DOCK1: variants seen among roughly 807,000 people sequenced by gnomAD.
DOCK1 encodes the protein dedicator of cytokinesis protein 1.
In DOCK1, 138 loss-of-function variants were observed where a neutral mutation model predicts 262.7. That is an observed-to-expected ratio of 0.53 (90% CI 0.46 to 0.61). The LOEUF (loss-of-function observed/expected upper bound fraction) is 0.61. DOCK1 is among the 20% of genes least tolerant of loss of function. DOCK1 has a pLI of 0.00. For missense variants in DOCK1, 1,908 were observed against 2,370.7 expected, an observed-to-expected ratio of 0.80 and a Z score of 4.05; for synonymous variants, 866 against 867.4, an observed-to-expected ratio of 1.00 and a Z score of 0.03.
intron 1 of DOCK1, among the ~76,000 whole-genome samples, chr10:126,917,729 T>G (rs958391489): frequency 1.3e-5 from 2 of 152,112 alleles, no homozygotes; most frequent in Non-Finnish European, 2.9e-5. Context: ...AGAATGGTCT[T>G]GAGTCCTTAG....
intron 46 of DOCK1, among the ~76,000 whole-genome samples, chr10:127,421,844 T>C (rs900220169): frequency 3.3e-5 from 5 of 152,228 alleles, no homozygotes; most frequent in African/African-American, 1.2e-4. Context: ...ATTATAGGGC[T>C]AGACCGCAAT....
At chr10:127,093,919 T>G (rs2047742868) in intron 23 of DOCK1, among the ~76,000 whole-genome samples, 1 of 152,176 alleles carries the variant, frequency 6.6e-6, no homozygotes, top group Non-Finnish European at 1.5e-5. Context: ...AGGGCCTTCT[T>G]GCCTGGTCAT....
At position 127,044,110 on chromosome 10, in the gene DOCK1, G is replaced by A. The variant is rs570197569; in HGVS notation, c.2201+946G>A. ...TACATAATTTCTTTAAGAACATCCCGCTTAGAATCAGTAGAAAGGATTCTT... is the reference window on the plus strand; with the variant it reads ...TACATAATTTCTTTAAGAACATCCCACTTAGAATCAGTAGAAAGGATTCTT... On this transcript the variant is annotated intron_variant, in intron 21 of 51. Coordinates refer to ENST00000623213, the MANE Select transcript of DOCK1 (RefSeq NM_001290223.2). Among the ~76,000 whole-genome samples the A allele has an allele frequency of 6.6e-5, 10 of 152,132 alleles. No homozygotes were observed. In the South Asian group the frequency reaches 1.2e-3, roughly 19 times the overall value.
At chr10:127,315,059 T>C (rs1178834847) in intron 29 of DOCK1, among the ~76,000 whole-genome samples, 1 of 151,562 alleles carries the variant, frequency 6.6e-6, no homozygotes, top group African/African-American at 2.4e-5. Context: ...GCCCAGGGCC[T>C]GAAACCTGGG....
At chr10:127,387,044 G>T (rs1820180885) in intron 38 of DOCK1, among the ~76,000 whole-genome samples, 2 of 152,224 alleles carry the variant, frequency 1.3e-5, no homozygotes, top group African/African-American at 4.8e-5. Context: ...GCAGGGCAGG[G>T]CAGGGCAGGA....
intron 27 of DOCK1, among the ~76,000 whole-genome samples, chr10:127,143,829 C>T (rs2051515175): frequency 6.6e-6 from 1 of 152,092 alleles, no homozygotes; most frequent in Non-Finnish European, 1.5e-5. Context: ...AGAACCAGGA[C>T]CCCAAATATT....
intron 22 of DOCK1, among the ~76,000 whole-genome samples, chr10:127,057,394 G>A (rs984882624): frequency 6.6e-6 from 1 of 152,246 alleles, no homozygotes; most frequent in Admixed American, 6.5e-5. Context: ...ATAATTGACA[G>A]TAATTATTCT....
At chr10:127,290,163 TG>T (rs1411753160) in intron 29 of DOCK1, among the ~76,000 whole-genome samples, 1 of 152,188 alleles carries the variant, frequency 6.6e-6, no homozygotes, top group Non-Finnish European at 1.5e-5. Context: ...TCTTGTTTTA[TG>T]ATCACGTCCT....
At chr10:127,372,630 A>G (rs1193237331) in intron 33 of DOCK1, among the ~76,000 whole-genome samples, 1 of 152,212 alleles carries the variant, frequency 6.6e-6, no homozygotes, top group African/African-American at 2.4e-5. Context: ...TGACCAAAGA[A>G]AAATTCTTCC....
chr10:127,005,210 G>A (rs1487824312), intron 10 of DOCK1, among the ~76,000 whole-genome samples: 2 of 152,084 alleles, frequency 1.3e-5, no homozygotes, highest in East Asian at 3.9e-4. Context: ...GCCGGTCGTG[G>A]TGGCGCATGC....
At chr10:127,216,357 C>T (rs1281448189) in intron 27 of DOCK1, among the ~76,000 whole-genome samples, 1 of 151,602 alleles carries the variant, frequency 6.6e-6, no homozygotes, top group Non-Finnish European at 1.5e-5. Flanking sequence ...CGAAACCAAC[C>T]TGAAAGCGCA....
At chr10:126,965,926 A>G (rs1261092999) in intron 1 of DOCK1, among the ~76,000 whole-genome samples, 2 of 152,128 alleles carry the variant, frequency 1.3e-5, no homozygotes, top group African/African-American at 4.8e-5. Context: ...ATGGTTAACT[A>G]TAGTCATCCT....
intron 18 of DOCK1, among the ~76,000 whole-genome samples, chr10:127,037,066 T>C (rs1026417477): frequency 6.6e-6 from 1 of 151,982 alleles, no homozygotes; most frequent in African/African-American, 2.4e-5. Context: ...ATTGACTCTT[T>C]AAAAACCAGT....
intron 10 of DOCK1, among the ~76,000 whole-genome samples, chr10:127,004,119 T>C (rs2040809811): frequency 6.6e-6 from 1 of 151,888 alleles, no homozygotes. Context: ...TTGGGCGTGG[T>C]GCTGTGTGCC....
intron 19 of DOCK1, among the ~76,000 whole-genome samples, chr10:127,041,448 G>A (rs74947594): frequency 0.029 from 4,429 of 152,200 alleles, 208 homozygotes; most frequent in African/African-American, 0.1. Flanking sequence ...TGGATAGACC[G>A]CAGATTGTCT....
chr10:127,286,616 C>G (rs992636452), intron 29 of DOCK1, among the ~76,000 whole-genome samples: 1 of 152,254 alleles, frequency 6.6e-6, no homozygotes, highest in Non-Finnish European at 1.5e-5. Flanking sequence ...TCTTTCTCAC[C>G]ATTATGTTGA....
intron 38 of DOCK1, among the ~76,000 whole-genome samples, chr10:127,394,103 T>C (rs2066668846): frequency 6.6e-6 from 1 of 152,094 alleles, no homozygotes; most frequent in African/African-American, 2.4e-5. Flanking sequence ...GGCTTCTCTG[T>C]GGAGGATGAG....
At chr10:127,220,162 T>C (rs895901170) in intron 27 of DOCK1, among the ~76,000 whole-genome samples, 1 of 151,868 alleles carries the variant, frequency 6.6e-6, no homozygotes, top group African/African-American at 2.4e-5. Flanking sequence ...CCCTCTTGTG[T>C]CTTCCTAGAT....
At chr10:127,048,281 T>G (rs1255610291) in intron 21 of DOCK1, among the ~76,000 whole-genome samples, 2 of 152,238 alleles carry the variant, frequency 1.3e-5, no homozygotes, top group African/African-American at 4.8e-5. Flanking sequence ...CCTGTTTATT[T>G]TATTTTGATT....
Sources: gnomAD v4.1 joint callset for allele counts (sites outside exome capture counted in the v4.1 genomes callset) on GRCh38, gnomAD v4.1.1 for gene constraint, MANE v1.5 for transcripts, NCBI Gene and HGNC (gene_info 2026-07-23, HGNC 2026-07-21) for gene names.